The following CHMP4C variants were observed in gnomAD, a reference collection of about 807,000 sequenced individuals.
CHMP4C encodes the protein SNF7 homolog associated with Alix 3.
CHMP4C carries 28 observed loss-of-function variants against 29.0 expected under a neutral mutation model. The ratio of observed to expected loss-of-function variants is 0.97; its 90% confidence interval spans 0.72 to 1.32. The LOEUF is 1.32. Among genes scored for constraint, CHMP4C ranks in the 40% most tolerant of loss-of-function variants. The pLI is 0.00. For synonymous variants in CHMP4C, 106 were observed against 102.4 expected, an observed-to-expected ratio of 1.04 and a Z score of -0.21; for missense variants, 291 against 281.0, an observed-to-expected ratio of 1.04 and a Z score of -0.25.
chr8:81,748,009 G>A (rs950672803), intron 1 of CHMP4C, among the ~76,000 whole-genome samples: 9 of 152,050 alleles, frequency 5.9e-5, no homozygotes, highest in Admixed American at 4.6e-4. Flanking sequence ...CTGCAATCTC[G>A]ACCATAAAAG....
At chr8:81,757,150 C>A (rs1279168355) in intron 3 of CHMP4C, among the ~76,000 whole-genome samples, 1 of 152,130 alleles carries the variant, frequency 6.6e-6, no homozygotes, top group Non-Finnish European at 1.5e-5. Context: ...GCCTTCCCCC[C>A]ACATTTGAGT....
chr8:81,734,489 C>T (rs572854842), intron 1 of CHMP4C, among the ~76,000 whole-genome samples: 1 of 152,178 alleles, frequency 6.6e-6, no homozygotes, highest in South Asian at 2.1e-4. Context: ...TGCCACCACA[C>T]CCAGCTAATT....
intron 1 of CHMP4C, among the ~76,000 whole-genome samples, chr8:81,750,418 T>G (rs946379119): frequency 6.7e-6 from 1 of 149,840 alleles, no homozygotes; most frequent in Non-Finnish European, 1.5e-5. Flanking sequence ...TTGGGTAGTA[T>G]AGCAAGACTC....
At chr8:81,739,989 G>A (rs546894139) in intron 1 of CHMP4C, among the ~76,000 whole-genome samples, 3 of 152,108 alleles carry the variant, frequency 2.0e-5, no homozygotes, top group Non-Finnish European at 4.4e-5. Context: ...CTTATTTTCG[G>A]TTGTTTTAGA....
chr8:81,738,173 AGTAACTCCAAATAT>A (rs1445674594), intron 1 of CHMP4C, among the ~76,000 whole-genome samples: 12 of 152,210 alleles, frequency 7.9e-5, no homozygotes, highest in African/African-American at 2.9e-4. Context: ...CAGGCTTAGC[AGTAACTCCAAATAT>A]GTAAATATGT....
rs1809002448 is a variant in CHMP4C at position 81,758,677 on chromosome 8, C to T, written c.*133C>T. The T allele has an allele frequency of 1.5e-6, 1 of 687,058 alleles. No homozygotes were observed. The highest frequency in any genetic ancestry group is 1.8e-5 in the African/African-American group (1 of 55,186). 42.6% of individuals were successfully genotyped at this position (687,058 alleles called of 1,614,324 possible). On this transcript the variant is annotated 3_prime_UTR_variant, in exon 5 of 5. Transcript: ENST00000297265. ...AATGAATAATTGTGTTTTAAGCCTC[C>T]TAAGTAAAAGTAAAAAAGGAGTCAT...
At chr8:81,750,945 C>G (rs1445576292) in intron 1 of CHMP4C, among the ~76,000 whole-genome samples, 2 of 152,010 alleles carry the variant, frequency 1.3e-5, no homozygotes, top group Non-Finnish European at 2.9e-5. Context: ...AAAAGAAAGT[C>G]TTTAACATTT....
intron 1 of CHMP4C, among the ~76,000 whole-genome samples, chr8:81,741,392 G>A (rs182571359): frequency 1.3e-5 from 2 of 152,232 alleles, no homozygotes; most frequent in Admixed American, 1.3e-4. Context: ...CAAAGTCATA[G>A]GATTTACACA....
In CHMP4C at chr8:81,758,798, C is replaced by T. The variant is rs964539403; in HGVS notation, c.*254C>T. 6.0e-5 allele frequency: 23 copies of T among 385,004 alleles called. No individual in the cohort carries two copies. The highest frequency in any genetic ancestry group is 9.8e-5 in the Non-Finnish European group (21 of 215,334). The allele number at this position is 385,004 out of a possible 1,614,324, so 23.8% of individuals were successfully genotyped here. On this transcript the variant is annotated 3_prime_UTR_variant, in exon 5 of 5. Transcript: ENST00000297265. ...GCTGAGGCAGTTGAGACCAGGAGTT[C>T]GAGTCCAGCCTGACCAACATGAAGA...
chr8:81,758,931 ATG>A lies in CHMP4C; in HGVS notation c.*388_*389del. On this transcript the variant is annotated 3_prime_UTR_variant, in exon 5 of 5. Coordinates refer to ENST00000297265, the MANE Select transcript of CHMP4C (RefSeq NM_152284.4). ...CAGGAGAATCGCTTGAGCCCAGGAGATGGAGGTTGCAGTGAGCCAAGATCATG... is the reference window on the plus strand; with the variant it reads ...CAGGAGAATCGCTTGAGCCCAGGAGAGAGGTTGCAGTGAGCCAAGATCATG... 6.1e-6 allele frequency: 1 copy of A among 162,974 alleles called. No individual in the cohort carries two copies. Among genetic ancestry groups the A allele is most frequent in the Non-Finnish European group, 1.3e-5 (1 of 75,936 alleles). 10.1% of individuals were successfully genotyped at this position (162,974 alleles called of 1,614,324 possible). A position where few individuals can be genotyped will look rare whatever the true frequency, so the allele number is the denominator to read the frequency against.
intron 1 of CHMP4C, among the ~76,000 whole-genome samples, chr8:81,737,010 G>A (rs6473297): frequency 0.9 from 137,512 of 152,280 alleles, 62,262 homozygotes; most frequent in African/African-American, 0.97. Context: ...CCAAGCCTCT[G>A]TTGATCAAAA....
chr8:81,742,112 A>G (rs1447379917), intron 1 of CHMP4C, among the ~76,000 whole-genome samples: 1 of 152,164 alleles, frequency 6.6e-6, no homozygotes, highest in Non-Finnish European at 1.5e-5. Flanking sequence ...ACCTAGACCA[A>G]TGGCTTTTTT....
intron 1 of CHMP4C, among the ~76,000 whole-genome samples, chr8:81,739,415 T>C (rs369742075): frequency 3.6e-5 from 1 of 27,430 alleles, no homozygotes; most frequent in Admixed American, 5.4e-4. Flanking sequence ...GCCTGGGGGA[T>C]TGTGGGGGGG....
At chr8:81,755,231 A>G (rs1046590529) in intron 2 of CHMP4C, 139 bp from the exon 3 acceptor site, 31 of 417,338 alleles carry the variant, frequency 7.4e-5, no homozygotes, top group African/African-American at 5.5e-4. Context: ...TAAAGTTTAT[A>G]AATATCATCA....
At chr8:81,752,995 C>A in intron 1 of CHMP4C, 69 bp from the exon 2 acceptor site, 1 of 1,366,034 alleles carries the variant, frequency 7.3e-7, no homozygotes, top group Non-Finnish European at 1.0e-6. Context: ...CATAGTGGTG[C>A]TGAGCAAACA....
rs1378431951 is a variant in CHMP4C, at chr8:81,753,056, T to A, written c.191-8T>A. The A allele has an allele frequency of 6.3e-7, 1 of 1,594,724 alleles. No homozygotes were observed. Among genetic ancestry groups the A allele is most frequent in the Non-Finnish European group, 8.5e-7 (1 of 1,172,744 alleles). On this transcript the variant is annotated splice_region_variant and splice_polypyrimidine_tract_variant and intron_variant, in intron 1 of 4. Transcript: ENST00000297265. The stretch of plus-strand genomic sequence containing the variant: ...TTTCCTAATAAATGTGGCTTCTCTC[T>A]TATTTAGCTGCATTACAGGCACTAA...
intron 1 of CHMP4C, among the ~76,000 whole-genome samples, chr8:81,744,473 A>G (rs930528576): frequency 6.6e-6 from 1 of 152,166 alleles, no homozygotes; most frequent in Non-Finnish European, 1.5e-5. Flanking sequence ...CTTTCCATAT[A>G]TGAAAAGAAA....
chr8:81,751,731 T>C (rs1052189476), intron 1 of CHMP4C, among the ~76,000 whole-genome samples: 2 of 152,048 alleles, frequency 1.3e-5, no homozygotes, highest in African/African-American at 4.8e-5. Flanking sequence ...TAGCAGTTAC[T>C]ACAATAAATG....
intron 1 of CHMP4C, among the ~76,000 whole-genome samples, chr8:81,750,176 A>G (rs1003292103): frequency 6.6e-6 from 1 of 152,178 alleles, no homozygotes; most frequent in Admixed American, 6.5e-5. Context: ...ATGAGCAACT[A>G]AAGAACAAGT....
Sources: allele counts gnomAD v4.1 joint callset (sites outside exome capture counted in the v4.1 genomes callset), GRCh38; gene constraint gnomAD v4.1.1; transcripts MANE v1.5; gene names NCBI Gene and HGNC (gene_info 2026-07-23, HGNC 2026-07-21).